The following PAPPA2 variants were observed in gnomAD, a reference collection of about 807,000 sequenced individuals.
The protein encoded by PAPPA2 is pappalysin-2.
Under a neutral mutation model 176.4 loss-of-function variants are expected in PAPPA2, and 86 were observed. The observed-to-expected ratio is 0.49, with a 90% CI of 0.41 to 0.58. PAPPA2 has a LOEUF of 0.58. Ranked by LOEUF, PAPPA2 falls within the 20% of genes least tolerant of loss-of-function variation. The probability of loss-of-function intolerance (pLI) is 0.00; values close to 1 mark genes in which losing one functional copy is unlikely to be tolerated. For missense variants in PAPPA2, 2,073 were observed against 2,256.9 expected (o/e 0.92, Z 1.65); for synonymous variants, 809 against 852.2 (o/e 0.95, Z 0.88).
At chr1:176,717,144 A>T (rs1661415192) in intron 12 of PAPPA2, among the ~76,000 whole-genome samples, 1 of 152,136 alleles carries the variant, frequency 6.6e-6, no homozygotes, top group Non-Finnish European at 1.5e-5. Flanking sequence ...CTAATATCTG[A>T]GAGGGGGTTA....
chr1:176,802,319 G>A (rs1665716393), intron 21 of PAPPA2, among the ~76,000 whole-genome samples: 1 of 152,108 alleles, frequency 6.6e-6, no homozygotes, highest in Non-Finnish European at 1.5e-5. Context: ...GAGAGGAGAA[G>A]GAGAAACAAC....
intron 2 of PAPPA2, among the ~76,000 whole-genome samples, chr1:176,561,092 C>A (rs1001536503): frequency 6.6e-6 from 1 of 151,872 alleles, no homozygotes; most frequent in East Asian, 1.9e-4. Flanking sequence ...GGGAGGCAGG[C>A]CAACCTGGCA....
chr1:176,710,002 C>T lies in PAPPA2; in HGVS notation c.3477C>T (p.Tyr1159=), dbSNP rs755853597. 1.9e-6 allele frequency: 3 copies of T among 1,606,908 alleles called. No individual in the cohort carries two copies. The highest frequency in any genetic ancestry group is 2.5e-6 in the Non-Finnish European group (3 of 1,177,066). Residue 1159 remains tyrosine (Y), a synonymous_variant, in exon 11 of 23, where the codon TAC becomes TAT. Transcript: ENST00000367662. Reference sequence around the variant, plus strand: ...TGGCAGGAGAGCCAAGCCTTTGCTACATGTATGAGGGAGATGGCATATGTG... The same window carrying T: ...TGGCAGGAGAGCCAAGCCTTTGCTATATGTATGAGGGAGATGGCATATGTG... ...FNCVGEPSLC[Y]MYEGDGICEP... is the part of the protein sequence containing the mutation.
intron 4 of PAPPA2, among the ~76,000 whole-genome samples, chr1:176,677,805 T>C (rs1659382130): frequency 6.6e-6 from 1 of 152,162 alleles, no homozygotes; most frequent in Non-Finnish European, 1.5e-5. Flanking sequence ...ACCATACTCA[T>C]TGTCATTGAT....
chr1:176,777,624 A>G (rs920462550), intron 17 of PAPPA2, among the ~76,000 whole-genome samples: 4 of 151,644 alleles, frequency 2.6e-5, no homozygotes, highest in African/African-American at 7.3e-5. Context: ...TTGAATCTCA[A>G]CTCCGCTATT....
At chr1:176,623,224 C>T (rs540466691) in intron 3 of PAPPA2, among the ~76,000 whole-genome samples, 1 of 152,320 alleles carries the variant, frequency 6.6e-6, no homozygotes, top group South Asian at 2.1e-4. Flanking sequence ...CAAGAACTTC[C>T]ATTTTCATTC....
At chr1:176,762,601 G>A (rs570840220) in intron 14 of PAPPA2, among the ~76,000 whole-genome samples, 1 of 152,294 alleles carries the variant, frequency 6.6e-6, no homozygotes, top group East Asian at 1.9e-4. Flanking sequence ...CTGAAGAAGA[G>A]ATTATGTTTG....
intron 15 of PAPPA2, among the ~76,000 whole-genome samples, chr1:176,768,484 C>T (rs975149480): frequency 1.3e-5 from 2 of 152,184 alleles, no homozygotes; most frequent in Non-Finnish European, 2.9e-5. Flanking sequence ...CTTTATATGG[C>T]ATTCTTTCCA....
At chr1:176,648,703 G>A (rs946191657) in intron 3 of PAPPA2, among the ~76,000 whole-genome samples, 2 of 151,560 alleles carry the variant, frequency 1.3e-5, no homozygotes, top group South Asian at 4.2e-4. Flanking sequence ...TATGGCTTTT[G>A]TTCTTGGTTA....
At position 176,558,864 on chromosome 1, in the gene PAPPA2, C is replaced by T. The variant is rs6680849; in HGVS notation, c.919+1623C>T. Among the ~76,000 whole-genome samples, 1,177 of 152,068 alleles carry T rather than the reference C, an allele frequency of 7.7e-3. 17 individuals carry two copies. The highest frequency in any genetic ancestry group is 0.027 in the African/African-American group (1,112 of 41,484). On this transcript the variant is annotated intron_variant, in intron 2 of 22. Coordinates refer to ENST00000367662, the MANE Select transcript of PAPPA2 (RefSeq NM_020318.3). Reference sequence around the variant, plus strand: ...CAACATAAAGACCGGGGATCAATTCCCTGGCTGAAAAAAAATGAGAGAAAG... The same window carrying T: ...CAACATAAAGACCGGGGATCAATTCTCTGGCTGAAAAAAAATGAGAGAAAG...
chr1:176,557,345 A>C (rs1442159358), intron 2 of PAPPA2, 104 bp downstream of exon 2: 8 of 1,322,594 alleles, frequency 6.0e-6, no homozygotes, highest in Non-Finnish European at 8.1e-6. Context: ...ACCCAACAGG[A>C]AAGCCAGAAA....
At chr1:176,498,530 G>A (rs1392650084) in intron 1 of PAPPA2, among the ~76,000 whole-genome samples, 2 of 151,998 alleles carry the variant, frequency 1.3e-5, no homozygotes, top group African/African-American at 4.8e-5. Context: ...TGGGTGGATT[G>A]CTTGAGGTCA....
chr1:176,630,520 A>AT (rs1656279647), intron 3 of PAPPA2, among the ~76,000 whole-genome samples: 1 of 152,144 alleles, frequency 6.6e-6, no homozygotes, highest in South Asian at 2.1e-4. Flanking sequence ...TAAACAGATG[A>AT]TGTGACAGGA....
At chr1:176,634,124 C>T (rs1656518783) in intron 3 of PAPPA2, among the ~76,000 whole-genome samples, 1 of 152,192 alleles carries the variant, frequency 6.6e-6, no homozygotes, top group African/African-American at 2.4e-5. Flanking sequence ...AATCATGCTG[C>T]TATAAAGACA....
At chr1:176,818,163 G>C (rs1397210307) in intron 21 of PAPPA2, among the ~76,000 whole-genome samples, 15 of 152,204 alleles carry the variant, frequency 9.9e-5, no homozygotes. Context: ...TGAGATGGCA[G>C]TAACTTGAGT....
intron 1 of PAPPA2, among the ~76,000 whole-genome samples, chr1:176,505,237 C>T (rs1390084158): frequency 6.6e-6 from 1 of 152,086 alleles, no homozygotes; most frequent in African/African-American, 2.4e-5. Flanking sequence ...TTCAACCCTT[C>T]CAAGGCTATT....
intron 17 of PAPPA2, among the ~76,000 whole-genome samples, chr1:176,772,629 AAAC>A (rs1664283571): frequency 6.6e-6 from 1 of 152,150 alleles, no homozygotes; most frequent in Non-Finnish European, 1.5e-5. Flanking sequence ...ATTAGAACAT[AAAC>A]AATACTGATG....
In PAPPA2 at chr1:176,844,599, C is replaced by A. The variant is rs951174354; in HGVS notation, c.*2145C>A. 6.6e-6 allele frequency: 1 copy of A among 152,094 alleles called. No homozygotes were observed. The highest frequency in any genetic ancestry group is 1.5e-5 in the Non-Finnish European group (1 of 67,992). 9.4% of individuals were successfully genotyped at this position (152,094 alleles called of 1,614,324 possible). A position where few individuals can be genotyped will look rare whatever the true frequency, so the allele number is the denominator to read the frequency against. On this transcript the variant is annotated 3_prime_UTR_variant, in exon 23 of 23. Transcript: ENST00000367662. ...GTCATGCTTAGTGCCCCCAAGAAGA[C>A]AAACATATTTATTCTTGGGATTCTG... is the stretch of plus-strand genomic sequence containing the variant.
intron 19 of PAPPA2, among the ~76,000 whole-genome samples, chr1:176,792,650 A>G (rs1665232948): frequency 6.6e-6 from 1 of 152,216 alleles, no homozygotes; most frequent in African/African-American, 2.4e-5. Flanking sequence ...AGCATGGCAC[A>G]TGTATACATA....
Sources: gnomAD v4.1 joint callset for allele counts (sites outside exome capture counted in the v4.1 genomes callset) on GRCh38, gnomAD v4.1.1 for gene constraint, MANE v1.5 for transcripts, NCBI Gene and HGNC (gene_info 2026-07-23, HGNC 2026-07-21) for gene names.